The following PEX5L variants were observed in gnomAD, a reference collection of about 807,000 sequenced individuals.
PEX5L encodes PEX5-related protein.
A neutral mutation model predicts 84.0 loss-of-function variants in PEX5L; 30 were observed. The observed-to-expected ratio is 0.36, with a 90% confidence interval of 0.27 to 0.48. The LOEUF is 0.48. Among genes scored for constraint, PEX5L ranks in the 20% least tolerant of loss-of-function variants. The pLI is 0.99. For missense variants in PEX5L, 533 were observed against 754.6 expected, an observed-to-expected ratio of 0.71 and a Z score of 3.44; for synonymous variants, 270 against 283.1, an observed-to-expected ratio of 0.95 and a Z score of 0.46.
intron 1 of PEX5L, among the ~76,000 whole-genome samples, chr3:180,005,986 T>A (rs901330056): frequency 1.3e-5 from 2 of 152,222 alleles, no homozygotes; most frequent in African/African-American, 4.8e-5. Flanking sequence ...AGAACATCCA[T>A]TTTTACCATG....
chr3:179,900,681 T>C (rs1761000488), intron 2 of PEX5L: 2 of 1,535,218 alleles, frequency 1.3e-6, no homozygotes, highest in Non-Finnish European at 1.7e-6. Context: ...AAAGCCAGGG[T>C]CAGGTCACTT....
intron 8 of PEX5L, among the ~76,000 whole-genome samples, chr3:179,829,943 ATTTTTTTTTTTTT>A (rs11352022): frequency 8.4e-5 from 7 of 83,628 alleles, no homozygotes; most frequent in Non-Finnish European, 1.1e-4. Context: ...GGCCTGGCTA[ATTTTTTTTTTTTT>A]TTTTTTTTTT....
intron 8 of PEX5L, among the ~76,000 whole-genome samples, chr3:179,840,516 A>G (rs888775570): frequency 6.6e-6 from 1 of 152,012 alleles, no homozygotes; most frequent in African/African-American, 2.4e-5. Flanking sequence ...CAGGGAAGTA[A>G]TAGGATCTGA....
At chr3:179,821,999 T>C (rs1560236306) in intron 8 of PEX5L, among the ~76,000 whole-genome samples, 1 of 152,202 alleles carries the variant, frequency 6.6e-6, no homozygotes, top group Non-Finnish European at 1.5e-5. Context: ...ATATCTTTCC[T>C]TTTTTTAATA....
chr3:179,944,629 T>C (rs1268077996), intron 2 of PEX5L, among the ~76,000 whole-genome samples: 1 of 152,236 alleles, frequency 6.6e-6, no homozygotes, highest in Non-Finnish European at 1.5e-5. Context: ...TTCTTTTAAA[T>C]GACCTTATCA....
chr3:179,808,203 G>A (rs1300307932), intron 13 of PEX5L, 69 bp downstream of exon 13: 3 of 1,253,508 alleles, frequency 2.4e-6, no homozygotes, highest in African/African-American at 1.5e-5. Flanking sequence ...AAATGTAGAC[G>A]GTGTAGCCTG....
chr3:179,953,571 A>G (rs539774341), intron 2 of PEX5L, among the ~76,000 whole-genome samples: 22 of 152,318 alleles, frequency 1.4e-4, no homozygotes, highest in Non-Finnish European at 2.4e-4. Flanking sequence ...TCAATTTAAC[A>G]TTAAAAGATT....
intron 1 of PEX5L, among the ~76,000 whole-genome samples, chr3:180,019,497 T>C (rs976794839): frequency 6.6e-6 from 1 of 152,206 alleles, no homozygotes; most frequent in Non-Finnish European, 1.5e-5. Context: ...ATTTTAAATG[T>C]GCAAACAGGC....
At chr3:179,940,210 C>T (rs948089557) in intron 2 of PEX5L, among the ~76,000 whole-genome samples, 1 of 151,510 alleles carries the variant, frequency 6.6e-6, no homozygotes, top group Non-Finnish European at 1.5e-5. Flanking sequence ...GTGGGCATGG[C>T]AGCATGGCAT....
intron 1 of PEX5L, among the ~76,000 whole-genome samples, chr3:180,023,902 G>A (rs1236027328): frequency 6.6e-6 from 1 of 150,858 alleles, no homozygotes; most frequent in Non-Finnish European, 1.5e-5. Flanking sequence ...TGGTAGAGGA[G>A]ACCCCCTTCA....
chr3:179,929,034 G>A (rs1772254885), intron 2 of PEX5L, among the ~76,000 whole-genome samples: 1 of 152,150 alleles, frequency 6.6e-6, no homozygotes, highest in South Asian at 2.1e-4. Context: ...TATCCAAAAA[G>A]GGAAACATGT....
At chr3:179,903,183 C>G (rs570461371) in intron 2 of PEX5L, among the ~76,000 whole-genome samples, 5 of 151,994 alleles carry the variant, frequency 3.3e-5, no homozygotes, top group Non-Finnish European at 5.9e-5. Flanking sequence ...TTTATGTATA[C>G]ATACATGTAA....
At chr3:179,868,838 C>G (rs1749288081) in intron 7 of PEX5L, among the ~76,000 whole-genome samples, 1 of 152,102 alleles carries the variant, frequency 6.6e-6, no homozygotes, top group Non-Finnish European at 1.5e-5. Flanking sequence ...AGCCCATATT[C>G]TCTCCACAAC....
chr3:179,900,583 T>C, intron 2 of PEX5L: 1 of 933,472 alleles, frequency 1.1e-6, no homozygotes, highest in Non-Finnish European at 1.6e-6. Flanking sequence ...CCTTTCATGC[T>C]GAACTCTAGA....
At chr3:179,923,540 A>G (rs1213407347) in intron 2 of PEX5L, among the ~76,000 whole-genome samples, 1 of 152,220 alleles carries the variant, frequency 6.6e-6, no homozygotes, top group Non-Finnish European at 1.5e-5. Flanking sequence ...ATTAGAAACT[A>G]GGGGTGAAGC....
At chr3:179,846,496 C>T (rs1739414610) in intron 8 of PEX5L, among the ~76,000 whole-genome samples, 1 of 152,164 alleles carries the variant, frequency 6.6e-6, no homozygotes, top group Admixed American at 6.5e-5. Flanking sequence ...CACCACCTCC[C>T]CAGCTGTGAT....
intron 1 of PEX5L, among the ~76,000 whole-genome samples, chr3:179,972,564 T>A (rs1475908943): frequency 6.6e-6 from 1 of 152,120 alleles, no homozygotes; most frequent in East Asian, 1.9e-4. Context: ...TTCAAGGTTA[T>A]TTATTTATTT....
chr3:179,832,305 C>G (rs188602607), intron 8 of PEX5L, among the ~76,000 whole-genome samples: 15 of 152,006 alleles, frequency 9.9e-5, no homozygotes, highest in African/African-American at 3.6e-4. Context: ...TCCTATTCAC[C>G]AACTACCTGC....
At position 179,811,856 on chromosome 3, in the gene PEX5L, C is replaced by A; in HGVS notation, c.1099G>T (p.Gly367Trp). 1 of 1,613,676 alleles carries A rather than the reference C, an allele frequency of 6.2e-7. No individual in the cohort carries two copies. The highest frequency in any genetic ancestry group is 8.5e-7 in the Non-Finnish European group (1 of 1,179,610). Residue 367 changes from glycine to tryptophan, a missense_variant, in exon 11 of 15, where the codon GGG becomes TGG. Coordinates refer to ENST00000467460, the MANE Select transcript of PEX5L (RefSeq NM_016559.3). ...PGDAEAWQFL[G>W]ITQAENENEQ... ...TTTTCATTCTCCGCCTGGGTTATCC[C>A]GAGGAACTGCCATGCCTACGAAAGA...
Sources: allele counts gnomAD v4.1 joint callset (sites outside exome capture counted in the v4.1 genomes callset), GRCh38; gene constraint gnomAD v4.1.1; transcripts MANE v1.5; gene names NCBI Gene and HGNC (gene_info 2026-07-23, HGNC 2026-07-21).